The following DIAPH2 variants were observed in gnomAD, a reference collection of about 807,000 sequenced individuals.
DIAPH2 encodes the protein diaphanous related formin 2.
Under a neutral mutation model 92.7 loss-of-function variants are expected in DIAPH2, and 35 were observed. That is an observed-to-expected ratio of 0.38 (90% confidence interval 0.29 to 0.50). The LOEUF is 0.50. Ranked by LOEUF, DIAPH2 falls within the 20% of genes least tolerant of loss-of-function variation. DIAPH2 has a pLI of 0.94. For synonymous variants in DIAPH2, 301 were observed against 280.4 expected, an observed-to-expected ratio of 1.07 and a Z score of -0.73; for missense variants, 701 against 819.5, an observed-to-expected ratio of 0.86 and a Z score of 1.77.
At chrX:96,895,474 TCA>T (rs1478274277) in intron 5 of DIAPH2, among the ~76,000 whole-genome samples, 1 of 112,167 alleles carries the variant, frequency 8.9e-6, no homozygotes, top group African/African-American at 3.2e-5. Flanking sequence ...ATCTGTGAAC[TCA>T]CAGCTGATTT....
At chrX:97,021,655 T>A (rs1227684683) in intron 17 of DIAPH2, among the ~76,000 whole-genome samples, 2 of 112,131 alleles carry the variant, frequency 1.8e-5, no homozygotes, top group East Asian at 5.6e-4. Context: ...ATGAAAAGTA[T>A]AATAATTTTG....
chrX:96,766,361 G>C (rs2147608569), intron 4 of DIAPH2, among the ~76,000 whole-genome samples: 1 of 110,831 alleles, frequency 9.0e-6, no homozygotes, highest in African/African-American at 3.3e-5. Context: ...TGCAAATCCT[G>C]CTATAAAGGG....
chrX:97,116,941 C>T (rs1190773980), intron 21 of DIAPH2, among the ~76,000 whole-genome samples: 1 of 111,815 alleles, frequency 8.9e-6, no homozygotes, highest in East Asian at 2.8e-4. Context: ...AGTTCTTCTA[C>T]ACAACGCTGA....
chrX:97,028,424 A>G (rs941416757), intron 17 of DIAPH2, among the ~76,000 whole-genome samples: 2 of 111,412 alleles, frequency 1.8e-5, no homozygotes, highest in African/African-American at 6.5e-5. Flanking sequence ...TTGTTTTTCA[A>G]GAAACCTGTA....
At position 97,310,332 on chromosome X, in the gene DIAPH2, A is replaced by G. The variant is rs1399228689; in HGVS notation, c.2845-37784A>G. 5.8e-4 allele frequency among the ~76,000 whole-genome samples: 65 copies of G among 112,200 alleles called. 2 individuals are homozygous for G. The highest frequency in any genetic ancestry group is 1.9e-5 in the Non-Finnish European group (1 of 53,325). On this transcript the variant is annotated intron_variant, in intron 23 of 26. Coordinates refer to ENST00000324765, the MANE Select transcript of DIAPH2 (RefSeq NM_006729.5). ...AAACATTTCTGCCTTCCTGGAGCTT[A>G]TGTAATAGTAAGGAAAAACAGATGA...
intron 4 of DIAPH2, among the ~76,000 whole-genome samples, chrX:96,844,805 C>G: frequency 8.9e-6 from 1 of 111,748 alleles, no homozygotes; most frequent in Non-Finnish European, 1.9e-5. Context: ...CGTCAATACA[C>G]TAAACTTCTC....
At chrX:97,453,798 A>G (rs190848664) in intron 26 of DIAPH2, among the ~76,000 whole-genome samples, 1 of 112,173 alleles carries the variant, frequency 8.9e-6, no homozygotes, top group Non-Finnish European at 1.9e-5. Context: ...GAGATAACAC[A>G]GATTATTGCT....
chrX:96,720,887 C>T (rs2147549156), intron 1 of DIAPH2, among the ~76,000 whole-genome samples: 1 of 111,671 alleles, frequency 9.0e-6, no homozygotes, highest in South Asian at 3.7e-4. Flanking sequence ...GTAATTAAAA[C>T]ATATGAGATG....
At chrX:97,543,952 A>G (rs1304481048) in intron 26 of DIAPH2, among the ~76,000 whole-genome samples, 1 of 112,411 alleles carries the variant, frequency 8.9e-6, no homozygotes, top group Non-Finnish European at 1.9e-5. Context: ...TTCAATAAAC[A>G]AGTACTATGA....
chrX:97,154,996 G>A (rs1032880409), intron 22 of DIAPH2, among the ~76,000 whole-genome samples: 5 of 111,688 alleles, frequency 4.5e-5, no homozygotes, highest in African/African-American at 6.5e-5. Flanking sequence ...CATTCCAAAC[G>A]TATTTAGCCT....
intron 23 of DIAPH2, among the ~76,000 whole-genome samples, chrX:97,285,877 G>A (rs138983698): frequency 0.024 from 2,657 of 109,405 alleles, 18 homozygotes; most frequent in Middle Eastern, 0.043. Context: ...GATTACAGGC[G>A]TGAGCCACTG....
intron 20 of DIAPH2, among the ~76,000 whole-genome samples, chrX:97,114,187 G>A (rs1164164073): frequency 1.8e-5 from 2 of 111,684 alleles, no homozygotes; most frequent in Non-Finnish European, 3.8e-5. Flanking sequence ...ATTCTTTAGA[G>A]TATATATAAA....
chrX:97,180,762 A>G (rs1353165642), intron 22 of DIAPH2, among the ~76,000 whole-genome samples: 1 of 111,707 alleles, frequency 9.0e-6, no homozygotes, highest in Non-Finnish European at 1.9e-5. Context: ...TAAATAGGGA[A>G]TCATTTCCCC....
intron 26 of DIAPH2, among the ~76,000 whole-genome samples, chrX:97,572,771 A>T (rs756397884): frequency 2.7e-5 from 3 of 111,886 alleles, no homozygotes; most frequent in African/African-American, 9.7e-5. Context: ...GTATTATGGC[A>T]GGGAACACAA....
Position 96,945,611 on chromosome X carries a change from G to A in DIAPH2, c.1509+20G>A. On this transcript the variant is annotated intron_variant, in intron 14 of 26. Transcript: ENST00000324765. ...AAGAAGGTAAGCTTATAAAATATTAGCCATAATCGTTAGGTTAATAATTTA... is the reference window on the plus strand; with the variant it reads ...AAGAAGGTAAGCTTATAAAATATTAACCATAATCGTTAGGTTAATAATTTA... 1.9e-6 allele frequency: 2 copies of A among 1,067,555 alleles called. No individual in the cohort carries two copies. Among genetic ancestry groups the A allele is most frequent in the Non-Finnish European group, 2.5e-6 (2 of 803,717 alleles). 88.0% of individuals were successfully genotyped at this position (1,067,555 alleles called of 1,213,427 possible). A position where few individuals can be genotyped will look rare whatever the true frequency, so the allele number is the denominator to read the frequency against.
In DIAPH2 at chrX:96,934,382, A is replaced by G. The variant is rs554748875; in HGVS notation, c.1090-2851A>G. Among the ~76,000 whole-genome samples the G allele has an allele frequency of 1.8e-3, 201 of 111,464 alleles. 1 individual carries two copies. Among genetic ancestry groups the G allele is most frequent in the African/African-American group, 6.3e-3 (193 of 30,715 alleles). On this transcript the variant is annotated intron_variant, in intron 10 of 26. Coordinates refer to ENST00000324765, the MANE Select transcript of DIAPH2 (RefSeq NM_006729.5). ...CAAGAATTCCCTAATATTCTAGAAT[A>G]CAGTATATTCAAAGCAGCAAATTAG...
intron 22 of DIAPH2, among the ~76,000 whole-genome samples, chrX:97,188,985 T>C (rs1364993301): frequency 9.0e-6 from 1 of 111,483 alleles, no homozygotes; most frequent in Non-Finnish European, 1.9e-5. Flanking sequence ...TATGAGCATG[T>C]GAGGACAGGG....
intron 22 of DIAPH2, among the ~76,000 whole-genome samples, chrX:97,194,526 C>T (rs925749213): frequency 3.6e-5 from 4 of 110,696 alleles, no homozygotes; most frequent in South Asian, 7.8e-4. Flanking sequence ...CCTCGTGATC[C>T]GCCCACCTTG....
At chrX:97,539,869 ATACT>A (rs986425637) in intron 26 of DIAPH2, among the ~76,000 whole-genome samples, 2 of 111,927 alleles carry the variant, frequency 1.8e-5, no homozygotes, top group Non-Finnish European at 3.8e-5. Flanking sequence ...ACACAAATTT[ATACT>A]TACTTCACAT....
Sources: gnomAD v4.1 joint callset for allele counts (sites outside exome capture counted in the v4.1 genomes callset) on GRCh38, gnomAD v4.1.1 for gene constraint, MANE v1.5 for transcripts, NCBI Gene and HGNC (gene_info 2026-07-23, HGNC 2026-07-21) for gene names.